Variants in CEP76 observed in about 807,000 individuals in gnomAD.
CEP76 encodes centrosomal protein of 76 kDa.
CEP76 carries 55 observed loss-of-function variants against 83.3 expected under a neutral mutation model. The ratio of observed to expected loss-of-function variants is 0.66; its 90% CI spans 0.53 to 0.83. The LOEUF (loss-of-function observed/expected upper bound fraction) is 0.83. CEP76 is among the 40% of genes least tolerant of loss of function. The probability of loss-of-function intolerance (pLI) is 0.00; values close to 1 mark genes in which losing one functional copy is unlikely to be tolerated. For synonymous variants in CEP76, 270 were observed against 274.5 expected (o/e 0.98, Z 0.16); for missense variants, 694 against 799.5 (o/e 0.87, Z 1.59).
intron 8 of CEP76, among the ~76,000 whole-genome samples, chr18:12,682,301 C>G (rs1338041452): frequency 6.6e-6 from 1 of 151,984 alleles, no homozygotes; most frequent in Non-Finnish European, 1.5e-5. Context: ...GTGATTCCCC[C>G]GCCTCAGCCT....
intron 9 of CEP76, among the ~76,000 whole-genome samples, chr18:12,679,935 A>G (rs1437988240): frequency 1.3e-5 from 2 of 152,066 alleles, no homozygotes; most frequent in African/African-American, 4.8e-5. Flanking sequence ...GCACACCTGC[A>G]GTCCCAGCTA....
At chr18:12,675,119 G>A (rs958673235) in intron 10 of CEP76, among the ~76,000 whole-genome samples, 17 of 152,034 alleles carry the variant, frequency 1.1e-4, no homozygotes, top group Non-Finnish European at 2.2e-4. Context: ...AGTTTAGGCC[G>A]GGTGCGGTGG....
rs891583627 is a variant in CEP76, at chr18:12,674,557, C to T, written c.1820G>A (p.Arg607His). The stretch of plus-strand genomic sequence containing the variant: ...TTACCGAAGACATGTGGCAAATGCA[C>T]GTCTTGCATTTCTATACACAAAATG... ...PIHFVYRNAR[R>H]AFATCLRSPF... The change falls in exon 11 of 12, where the codon CGT (arginine) becomes CAT (histidine). Residue 607 changes from arginine to histidine, a missense_variant. Physicochemically the swap from Arg to His is conservative, Grantham distance 29 (BLOSUM62 0). Transcript: ENST00000262127. The T allele has an allele frequency of 2.5e-6, 4 of 1,612,282 alleles. No individual in the cohort carries two copies. Among genetic ancestry groups the T allele is most frequent in the Non-Finnish European group, 3.4e-6 (4 of 1,178,622 alleles).
chr18:12,686,485 A>G, intron 7 of CEP76, 35 bp from the exon 8 acceptor site: 1 of 1,428,148 alleles, frequency 7.0e-7, no homozygotes, highest in Non-Finnish European at 9.7e-7. Flanking sequence ...GTAATGACAT[A>G]TTAATCATCC....
intron 8 of CEP76, chr18:12,684,840 G>A (rs987569596): frequency 3.3e-5 from 5 of 151,748 alleles, no homozygotes; most frequent in African/African-American, 1.2e-4. Flanking sequence ...ACACAGATTA[G>A]GAAATATCCC....
At chr18:12,675,185 A>G (rs1314348024) in intron 10 of CEP76, among the ~76,000 whole-genome samples, 1 of 152,170 alleles carries the variant, frequency 6.6e-6, no homozygotes, top group Non-Finnish European at 1.5e-5. Context: ...TCATGAGGTC[A>G]GGAGATTGAG....
chr18:12,672,085 T>G (rs1215344099), downstream of CEP76, among the ~76,000 whole-genome samples: 1 of 151,104 alleles, frequency 6.6e-6, no homozygotes, highest in African/African-American at 2.4e-5. Flanking sequence ...CCCAAAGTGC[T>G]GGCATTACAG....
At chr18:12,677,458 C>CAA (rs71174127) in intron 10 of CEP76, among the ~76,000 whole-genome samples, 51 of 53,930 alleles carry the variant, frequency 9.5e-4, no homozygotes, top group African/African-American at 1.8e-3. Context: ...GATTCCATCT[C>CAA]AAAAAAAAAA....
intron 6 of CEP76, among the ~76,000 whole-genome samples, chr18:12,691,773 T>A (rs2039772693): frequency 6.6e-6 from 1 of 151,470 alleles, no homozygotes. Flanking sequence ...TGGAGTGCAG[T>A]GGCAAGATCT....
chr18:12,686,424 G>T lies in CEP76; in HGVS notation c.960C>A (p.Val320=). ...CTCGAAGTGGTTTAACATAGGAACAGACTGGTCTATTTATCCCATTTTCAT... is the reference window on the plus strand; with the variant it reads ...CTCGAAGTGGTTTAACATAGGAACATACTGGTCTATTTATCCCATTTTCAT... ...AQDENGINRP[V]CSYVKPLRAG... Residue 320 remains valine, a synonymous_variant, in exon 8 of 12, where the codon GTC becomes GTA. Coordinates refer to ENST00000262127, the MANE Select transcript of CEP76 (RefSeq NM_024899.4). 6.2e-7 allele frequency: 1 copy of T among 1,613,280 alleles called. No homozygotes were observed. Among genetic ancestry groups the T allele is most frequent in the Non-Finnish European group, 8.5e-7 (1 of 1,179,650 alleles).
chr18:12,671,622 G>T (rs1371718400), downstream of CEP76, among the ~76,000 whole-genome samples: 1 of 146,750 alleles, frequency 6.8e-6, no homozygotes, highest in African/African-American at 2.5e-5. Context: ...AATAAGTTGA[G>T]GAATCAGGTT....
At chr18:12,686,215 G>A in intron 8 of CEP76, 47 bp downstream of exon 8, 1 of 1,442,580 alleles carries the variant, frequency 6.9e-7, no homozygotes, top group African/African-American at 1.4e-5. Context: ...CAAATTCAGA[G>A]TAACTATGAT....
chr18:12,672,414 C>T (rs1285288149), downstream of CEP76, among the ~76,000 whole-genome samples: 2 of 152,152 alleles, frequency 1.3e-5, no homozygotes, highest in Non-Finnish European at 2.9e-5. Flanking sequence ...CTACGCCGAG[C>T]CTTACAAAAT....
rs756627276 is a variant in CEP76, at chr18:12,664,859, C to T, written c.*1728-2690G>A. Among the ~76,000 whole-genome samples the T allele has an allele frequency of 4.8e-4, 73 of 150,752 alleles. 1 individual carries two copies. The highest frequency in any genetic ancestry group is 8.1e-4 in the Non-Finnish European group (55 of 67,734). ...GATTACAGGCGCCCGTCACCATGCCCAGCTAACTTTTGTATTTTTAGTAGA... is the reference window on the plus strand; with the variant it reads ...GATTACAGGCGCCCGTCACCATGCCTAGCTAACTTTTGTATTTTTAGTAGA... On this transcript the variant is annotated intron_variant and NMD_transcript_variant, in intron 12 of 12. Transcript: ENST00000590143.
At chr18:12,697,091 A>G (rs536523240) in intron 5 of CEP76, 132 bp downstream of exon 5, 4 of 624,974 alleles carry the variant, frequency 6.4e-6, no homozygotes, top group East Asian at 2.9e-5. Context: ...CTGAGGTCCA[A>G]TTGTAACTCT....
At chr18:12,665,773 C>T (rs1444907561) in intron 12 of CEP76, among the ~76,000 whole-genome samples, 1 of 152,164 alleles carries the variant, frequency 6.6e-6, no homozygotes, top group African/African-American at 2.4e-5. Context: ...TCTCTGCTTA[C>T]TGCAACCTCT....
chr18:12,667,760 CAAAAA>C (rs67167827), downstream of CEP76, among the ~76,000 whole-genome samples: 3 of 89,938 alleles, frequency 3.3e-5, no homozygotes, highest in East Asian at 3.3e-4. Context: ...GACTCTTTCT[CAAAAA>C]AAAAAAAAAA....
At chr18:12,678,599 CTG>C (rs1265585372) in intron 9 of CEP76, among the ~76,000 whole-genome samples, 157 bp from the exon 10 acceptor site, 1 of 152,100 alleles carries the variant, frequency 6.6e-6, no homozygotes, top group Non-Finnish European at 1.5e-5. Context: ...TTTGATTACT[CTG>C]TATTAATTGT....
At position 12,685,472 on chromosome 18, in the gene CEP76, A is replaced by C. The variant is rs568613497; in HGVS notation, c.1122+790T>G. On this transcript the variant is annotated intron_variant, in intron 8 of 11. Coordinates refer to ENST00000262127, the MANE Select transcript of CEP76 (RefSeq NM_024899.4). ...CAGAAATCACAATAAATAAGAAACT[A>C]CATGAGAAAATAAAGATGCTGAGTT... The C allele has an allele frequency of 9.2e-5, 14 of 152,250 alleles. No individual in the cohort carries two copies. In the South Asian group the frequency reaches 2.7e-3, roughly 29 times the overall value. The allele number at this position is 152,250 out of a possible 1,614,324, so 9.4% of individuals were successfully genotyped here. A position where few individuals can be genotyped will look rare whatever the true frequency, so the allele number is the denominator to read the frequency against.
Sources: allele counts gnomAD v4.1 joint callset (sites outside exome capture counted in the v4.1 genomes callset), GRCh38; gene constraint gnomAD v4.1.1; transcripts MANE v1.5; gene names NCBI Gene and HGNC (gene_info 2026-07-23, HGNC 2026-07-21).